ZNRF3: variants seen among roughly 807,000 people sequenced by gnomAD.
ZNRF3 encodes zinc and ring finger 3.
In ZNRF3, 23 loss-of-function variants were observed where a neutral mutation model predicts 72.5. That is an observed-to-expected ratio of 0.32 (90% CI 0.23 to 0.45). The LOEUF is 0.45. Among genes scored for constraint, ZNRF3 ranks in the 20% least tolerant of loss-of-function variants. The pLI, the probability that ZNRF3 is intolerant of heterozygous loss-of-function variation, is 1.00. For synonymous variants in ZNRF3, 610 were observed against 545.3 expected (o/e 1.12, Z -1.65); for missense variants, 1,169 against 1,272.1 (o/e 0.92, Z 1.23).
chr22:29,050,645 G>A lies in ZNRF3; in HGVS notation c.2464G>A (p.Ala822Thr). The change falls in exon 8 of 9, where the codon GCC becomes ACC. Residue 822 changes from alanine to threonine, a missense_variant. Ala to Thr is a moderately conservative substitution (Grantham distance 58). Around this residue, in one of 2 missense-constraint regions of ZNRF3, gnomAD observed 783 missense variants for 731.4 expected, o/e 1.07. Transcript: ENST00000544604. ...ACCACCGCCCGGCTGCTACCCCGGGGCCCGGGACCTGAGCCAGCGCATCCC... is the reference window on the plus strand; with the variant it reads ...ACCACCGCCCGGCTGCTACCCCGGGACCCGGGACCTGAGCCAGCGCATCCC... ...EEPPPGCYPG[A>T]RDLSQRIPII... 2 of 1,611,870 alleles carry A rather than the reference G, an allele frequency of 1.2e-6. No homozygotes were observed. The highest frequency in any genetic ancestry group is 2.2e-5 in the South Asian group (2 of 90,928).
chr22:28,889,056 A>T (rs917610185), intron 1 of ZNRF3, among the ~76,000 whole-genome samples: 5 of 152,104 alleles, frequency 3.3e-5, no homozygotes, highest in Non-Finnish European at 5.9e-5. Flanking sequence ...CGGAGGTTGC[A>T]GTGAGCTGAG....
chr22:28,937,825 C>T (rs890243845), intron 1 of ZNRF3, among the ~76,000 whole-genome samples: 7 of 152,194 alleles, frequency 4.6e-5, no homozygotes, highest in Non-Finnish European at 7.3e-5. Context: ...TTTTTAAAAA[C>T]AATGATAGTT....
At chr22:28,887,637 T>C (rs903479680) in intron 1 of ZNRF3, among the ~76,000 whole-genome samples, 6 of 152,228 alleles carry the variant, frequency 3.9e-5, no homozygotes, top group Non-Finnish European at 5.9e-5. Context: ...TTATCTTATG[T>C]ATTTATGCAG....
intron 8 of ZNRF3, among the ~76,000 whole-genome samples, chr22:29,052,818 AT>A (rs143381258): frequency 0.062 from 9,426 of 151,630 alleles, 626 homozygotes; most frequent in African/African-American, 0.16. Flanking sequence ...TTAAAAAAAA[AT>A]TTAAAAAAAA....
At chr22:28,917,268 AAC>A (rs10533572) in intron 1 of ZNRF3, 2,732 of 171,464 alleles carry the variant, frequency 0.016, 77 homozygotes, top group African/African-American at 0.063. Context: ...TTGGGGATAA[AAC>A]ACACACACAC....
chr22:29,033,000 C>T (rs374353750), intron 2 of ZNRF3, among the ~76,000 whole-genome samples: 10 of 152,148 alleles, frequency 6.6e-5, no homozygotes, highest in African/African-American at 2.2e-4. Context: ...TTGTTGGTCT[C>T]CTGTTACCCC....
At chr22:28,969,304 T>C (rs1395697358) in intron 1 of ZNRF3, among the ~76,000 whole-genome samples, 2 of 152,244 alleles carry the variant, frequency 1.3e-5, no homozygotes, top group African/African-American at 4.8e-5. Flanking sequence ...TTCTGTTCTG[T>C]TCTTTTTTTC....
At chr22:28,977,498 A>T (rs1414105720) in intron 1 of ZNRF3, among the ~76,000 whole-genome samples, 1 of 152,208 alleles carries the variant, frequency 6.6e-6, no homozygotes, top group Non-Finnish European at 1.5e-5. Flanking sequence ...CACGTAAATT[A>T]TAAGTCTTGG....
intron 2 of ZNRF3, among the ~76,000 whole-genome samples, chr22:29,015,660 A>T (rs2036417871): frequency 8.2e-6 from 1 of 122,076 alleles, no homozygotes; most frequent in Admixed American, 8.5e-5. Flanking sequence ...ACAGAGTGAG[A>T]TTCTGTTTAA....
chr22:28,995,576 T>C (rs749049639), intron 2 of ZNRF3, among the ~76,000 whole-genome samples: 2 of 152,210 alleles, frequency 1.3e-5, no homozygotes, highest in Non-Finnish European at 2.9e-5. Context: ...CACCTTATGA[T>C]GATGAATGGG....
chr22:29,021,874 GCACACACACATACA>G (rs1475061872), intron 2 of ZNRF3, among the ~76,000 whole-genome samples: 3 of 151,766 alleles, frequency 2.0e-5, no homozygotes, highest in South Asian at 4.1e-4. Context: ...TGACCTATAT[GCACACACACATACA>G]CACACACACA....
At chr22:29,017,797 A>G (rs4823005) in intron 2 of ZNRF3, among the ~76,000 whole-genome samples, 86,101 of 151,932 alleles carry the variant, frequency 0.57, 24,699 homozygotes, top group African/African-American at 0.64. Flanking sequence ...GTCAACCAGG[A>G]TGAGTGCAGA....
chr22:29,033,203 T>A (rs1016920860), intron 2 of ZNRF3, among the ~76,000 whole-genome samples: 1 of 151,960 alleles, frequency 6.6e-6, no homozygotes, highest in Non-Finnish European at 1.5e-5. Context: ...TAGAAAAAAT[T>A]AGCCGGGCAT....
chr22:28,919,882 C>G (rs1170299360), intron 1 of ZNRF3, among the ~76,000 whole-genome samples: 1 of 152,192 alleles, frequency 6.6e-6, no homozygotes, highest in African/African-American at 2.4e-5. Context: ...CAAACCTGAT[C>G]AGAAGCTGTT....
chr22:28,994,273 G>A (rs1329444144), intron 2 of ZNRF3, among the ~76,000 whole-genome samples: 10 of 133,970 alleles, frequency 7.5e-5, no homozygotes, highest in African/African-American at 2.5e-4. Flanking sequence ...TGCAACCTCC[G>A]CCTCCCGGGT....
rs773344855 is a variant in ZNRF3, at chr22:29,049,219, G to A, written c.1038G>A (p.Ala346=). The A allele has an allele frequency of 8.7e-6, 14 of 1,606,838 alleles. No individual in the cohort carries two copies. The highest frequency in any genetic ancestry group is 3.4e-5 in the Admixed American group (2 of 59,392). The change falls in exon 8 of 9, where the codon GCG becomes GCA. Residue 346 remains alanine (A), a synonymous_variant. Transcript: ENST00000544604. This position sits in a 1 kb window ranked among gnomAD's most constrained non-coding sequence, Gnocchi z 5.2. ...NIIEQKGNPS[A]VCVETSNLSR... ...CAGAACAAAAGGGAAACCCAAGCGC[G>A]GTGTGTGTGGAGACCAGCAACCTCT...
intron 2 of ZNRF3, among the ~76,000 whole-genome samples, chr22:29,021,801 T>C (rs118106276): frequency 0.015 from 2,307 of 152,274 alleles, 48 homozygotes; most frequent in South Asian, 0.058. Flanking sequence ...TTTTAATCTT[T>C]ATTGAAGTAT....
intron 1 of ZNRF3, among the ~76,000 whole-genome samples, chr22:28,958,743 C>T (rs2035303384): frequency 6.6e-6 from 1 of 152,188 alleles, no homozygotes; most frequent in African/African-American, 2.4e-5. Context: ...CCTTGTGTAC[C>T]AATCACCCAA....
intron 2 of ZNRF3, among the ~76,000 whole-genome samples, chr22:29,024,661 C>T (rs1256512224): frequency 6.6e-6 from 1 of 152,078 alleles, no homozygotes; most frequent in East Asian, 1.9e-4. Flanking sequence ...GTTCTTTTGG[C>T]ATATGATTGT....
Sources: allele counts gnomAD v4.1 joint callset (sites outside exome capture counted in the v4.1 genomes callset), GRCh38; gene constraint gnomAD v4.1.1; regional missense constraint gnomAD v4.1.1; non-coding constraint Gnocchi (gnomAD v3.1); transcripts MANE v1.5; gene names NCBI Gene and HGNC (gene_info 2026-07-23, HGNC 2026-07-21).